TASOR2: variants seen among roughly 807,000 people sequenced by gnomAD.
TASOR2 encodes the protein transcription activation suppressor family member 2, also known as protein TASOR 2.
A neutral mutation model predicts 199.5 loss-of-function variants in TASOR2; 84 were observed. That is an observed-to-expected ratio of 0.42 (90% CI 0.35 to 0.50). The LOEUF is 0.50. TASOR2 is among the 20% of genes least tolerant of loss of function. TASOR2 has a pLI of 0.02. For missense variants in TASOR2, 2,796 were observed against 2,835.9 expected (o/e 0.99, Z 0.32); for synonymous variants, 1,103 against 1,046.6 (o/e 1.05, Z -1.04).
At position 5,706,552 on chromosome 10, in the gene TASOR2, A is replaced by T. The variant is rs1312301162; in HGVS notation, c.-287-6271A>T. ...CAGACAAAATCTTTGATCTATCTTT[A>T]TCCAGAGGATATTGTTAGTTCTCTA... On this transcript the variant is annotated intron_variant, in intron 1 of 20. Transcript: ENST00000328090. This position sits in a 1 kb window ranked among gnomAD's most constrained non-coding sequence, Gnocchi z 4.8. Among the ~76,000 whole-genome samples the T allele has an allele frequency of 6.6e-6, 1 of 152,244 alleles. No individual in the cohort carries two copies. The highest frequency in any genetic ancestry group is 1.5e-5 in the Non-Finnish European group (1 of 68,048).
In TASOR2 at chr10:5,698,270, TG is replaced by T. The variant is rs1837389447; in HGVS notation, c.-288+13097del. ...GAAAAACATGTCTCTGCTAGCTCAT[TG>T]GTTGAGGGAAGATGAGAGATAGGAG... is the stretch of plus-strand genomic sequence containing the variant. On this transcript the variant is annotated intron_variant, in intron 1 of 20. Transcript: ENST00000328090. The surrounding 1 kb of genome is among the most constrained non-coding windows in gnomAD (Gnocchi z 4.4). Among the ~76,000 whole-genome samples the T allele has an allele frequency of 6.6e-6, 1 of 152,108 alleles. No individual in the cohort carries two copies. Among genetic ancestry groups the T allele is most frequent in the Non-Finnish European group, 1.5e-5 (1 of 67,996 alleles).
In TASOR2 at chr10:5,687,423, CT is replaced by C. The variant is rs1416208779; in HGVS notation, c.-288+2252del. Among the ~76,000 whole-genome samples, 2 of 152,212 alleles carry C rather than the reference CT, an allele frequency of 1.3e-5. No individual in the cohort carries two copies. Among genetic ancestry groups the C allele is most frequent in the Non-Finnish European group, 2.9e-5 (2 of 68,034 alleles). ...AAGTCATTCTGTATTCTATGAGTTA[CT>C]TTTGTTAAACATTGTTTCTGAGATT... On this transcript the variant is annotated intron_variant, in intron 1 of 20. Transcript: ENST00000328090. The surrounding 1 kb of genome is among the most constrained non-coding windows in gnomAD (Gnocchi z 4.8).
Position 5,720,448 on chromosome 10 carries a change from T to C in TASOR2, c.-99-96T>C. On this transcript the variant is annotated intron_variant, in intron 3 of 20. Transcript: ENST00000328090. The surrounding 1 kb of genome is among the most constrained non-coding windows in gnomAD (Gnocchi z 5.3). ...ACCCAAGATATATTTCTGACTCTAA[T>C]GTGTTAAATTTCAGGGCTCGGTGGG... 1 of 1,423,330 alleles carries C rather than the reference T, an allele frequency of 7.0e-7. No homozygotes were observed. The highest frequency in any genetic ancestry group is 9.1e-7 in the Non-Finnish European group (1 of 1,094,522). 88.2% of individuals were successfully genotyped at this position (1,423,330 alleles called of 1,614,324 possible).
exon 15 of TASOR2, chr10:5,747,684 T>G (rs774266420): frequency 1.2e-6 from 2 of 1,614,176 alleles, no homozygotes; most frequent in Admixed American, 3.3e-5. Flanking sequence ...AGGCTGTGAC[T>G]CCATGCATTT....
rs1193822706 is a variant in TASOR2 at position 5,705,853 on chromosome 10, A to C, written c.-287-6970A>C. Among the ~76,000 whole-genome samples the C allele has an allele frequency of 2.6e-5, 4 of 152,164 alleles. No individual in the cohort carries two copies. The East Asian group carries it at 7.7e-4, about 29-fold the overall frequency. ...CCATTTCTTAATAATGATACCTTGG[A>C]AGATCAGATGGTTTTAATTTTTAGG... On this transcript the variant is annotated intron_variant, in intron 1 of 20. Transcript: ENST00000328090.
chr10:5,747,568 G>A lies in TASOR2; in HGVS notation c.4147G>A (p.Glu1383Lys), dbSNP rs776919631. 5.0e-6 allele frequency: 8 copies of A among 1,614,016 alleles called. No individual in the cohort carries two copies. In the Admixed American group the frequency reaches 6.7e-5, roughly 13 times the overall value. ...AAATTGCACCCTTGAGATTGCAGAG[G>A]AAATTAATGTGACCTCTGATTTTCC... Residue 1383 changes from glutamate to lysine, a missense_variant, in exon 15 of 21, where the codon GAA becomes AAA. Glu to Lys is a moderately conservative substitution (Grantham distance 56). Around this residue, in one of 3 missense-constraint regions of TASOR2, gnomAD observed 1,941 missense variants for 1,924.9 expected, o/e 1.01. Transcript: ENST00000328090.
rs1288119038 is a variant in TASOR2, at chr10:5,720,770, A to T, written c.42A>T (p.Glu14Asp). The T allele has an allele frequency of 6.2e-7, 1 of 1,611,954 alleles. No individual in the cohort carries two copies. The highest frequency in any genetic ancestry group is 1.3e-5 in the African/African-American group (1 of 74,762). The change falls in exon 5 of 21, where the codon GAA becomes GAT. Residue 14 changes from glutamate to aspartate, a missense_variant. Physicochemically the swap from Glu to Asp is conservative, Grantham distance 45. Transcript: ENST00000328090. This position sits in a 1 kb window ranked among gnomAD's most constrained non-coding sequence, Gnocchi z 5.3. ...TTTCTGCTAGACTTGAACGCAGTGAAAATGGTAAGAAATAGTTCATTGATT... is the reference window on the plus strand; with the variant it reads ...TTTCTGCTAGACTTGAACGCAGTGATAATGGTAAGAAATAGTTCATTGATT...
chr10:5,721,950 A>C (rs558183233), intron 6 of TASOR2, among the ~76,000 whole-genome samples: 5 of 152,340 alleles, frequency 3.3e-5, no homozygotes, highest in South Asian at 2.1e-4. Context: ...GAAGTAAAGA[A>C]AAGACTGAAA....
At chr10:5,731,127 C>T in exon 11 of TASOR2, 1 of 1,612,684 alleles carries the variant, frequency 6.2e-7, no homozygotes. Context: ...GAACTGCTTC[C>T]AGAGCAGACA....
chr10:5,743,446 T>G (rs1363744727), intron 14 of TASOR2, among the ~76,000 whole-genome samples: 1 of 152,222 alleles, frequency 6.6e-6, no homozygotes, highest in Non-Finnish European at 1.5e-5. Flanking sequence ...TAAAGACTAT[T>G]AATCTCCCCA....
exon 15 of TASOR2, chr10:5,749,117 C>G: frequency 6.2e-7 from 1 of 1,614,104 alleles, no homozygotes; most frequent in African/African-American, 1.3e-5. Flanking sequence ...GGGCACTGGA[C>G]TGCTGCGGTA....
rs1835738966 is a variant in TASOR2 at position 5,685,747 on chromosome 10, G to C, written c.-288+572G>C. ...AAGCAGCGTTTCGTGGGAGAACTGG[G>C]TTGATGACTGAAATTTTGAGGAAGA... On this transcript the variant is annotated intron_variant, in intron 1 of 20. Transcript: ENST00000328090. This position sits in a 1 kb window ranked among gnomAD's most constrained non-coding sequence, Gnocchi z 5.4. Among the ~76,000 whole-genome samples, 1 of 152,204 alleles carries C rather than the reference G, an allele frequency of 6.6e-6. No individual in the cohort carries two copies. The highest frequency in any genetic ancestry group is 1.5e-5 in the Non-Finnish European group (1 of 68,040).
chr10:5,702,213 A>G (rs1837952476), intron 1 of TASOR2, among the ~76,000 whole-genome samples: 1 of 152,184 alleles, frequency 6.6e-6, no homozygotes, highest in South Asian at 2.1e-4. Flanking sequence ...CATCTGTTGA[A>G]GTAATCATGG....
At chr10:5,760,871 T>C (rs1011184833) in intron 18 of TASOR2, 1 of 153,990 alleles carries the variant, frequency 6.5e-6, no homozygotes, top group African/African-American at 2.4e-5. Flanking sequence ...TTCCTAGTAG[T>C]GATAGAATTT....
exon 15 of TASOR2, chr10:5,749,677 C>A (rs1194485997): frequency 6.2e-6 from 10 of 1,614,192 alleles, no homozygotes; most frequent in Non-Finnish European, 7.6e-6. Flanking sequence ...TCAAAGAAAT[C>A]ACACTGTTTC....
At chr10:5,739,827 G>C (rs1836142131) in exon 13 of TASOR2, 3 of 1,614,124 alleles carry the variant, frequency 1.9e-6, no homozygotes, top group African/African-American at 1.3e-5. Flanking sequence ...ACCAGTATCT[G>C]AGGCTAGAAA....
At chr10:5,734,449 T>TC (rs1246356910) in intron 11 of TASOR2, among the ~76,000 whole-genome samples, 1 of 152,204 alleles carries the variant, frequency 6.6e-6, no homozygotes, top group Non-Finnish European at 1.5e-5. Flanking sequence ...GTGCACACTT[T>TC]CCTCAGGCTT....
chr10:5,702,655 TTTTTTTG>T lies in TASOR2; in HGVS notation c.-287-10167_-287-10161del, dbSNP rs1354289791. Among the ~76,000 whole-genome samples the T allele has an allele frequency of 8.5e-3, 1,213 of 143,016 alleles. 14 individuals carry two copies. The highest frequency in any genetic ancestry group is 0.032 in the African/African-American group (1,154 of 36,620). 93.8% of individuals were successfully genotyped at this position (143,016 alleles called of 152,430 possible). A position where few individuals can be genotyped will look rare whatever the true frequency, so the allele number is the denominator to read the frequency against. ...TGGTCATTTTTTTTTTTTTTTTTTTTTTTTTTGGTAAGTAAGGATAGATACGACAGCC... is the reference window on the plus strand; with the variant it reads ...TGGTCATTTTTTTTTTTTTTTTTTTTGTAAGTAAGGATAGATACGACAGCC... On this transcript the variant is annotated intron_variant, in intron 1 of 20. Transcript: ENST00000328090.
intron 15 of TASOR2, among the ~76,000 whole-genome samples, chr10:5,753,394 G>A (rs1327480485): frequency 2.6e-5 from 4 of 152,096 alleles, no homozygotes; most frequent in African/African-American, 9.7e-5. Context: ...ACAGAGTCTC[G>A]CTCTGTCACC....
Sources: allele counts gnomAD v4.1 joint callset (sites outside exome capture counted in the v4.1 genomes callset), GRCh38; gene constraint gnomAD v4.1.1; regional missense constraint gnomAD v4.1.1; non-coding constraint Gnocchi (gnomAD v3.1); transcripts MANE v1.5; gene names NCBI Gene and HGNC (gene_info 2026-07-23, HGNC 2026-07-21).